The following HMCN1 variants were observed in gnomAD, a reference collection of about 807,000 sequenced individuals.
HMCN1 encodes hemicentin-1.
A neutral mutation model predicts 625.9 loss-of-function variants in HMCN1; 321 were observed. The ratio of observed to expected loss-of-function variants is 0.51; its 90% CI spans 0.47 to 0.56. The LOEUF (loss-of-function observed/expected upper bound fraction) is 0.56, where lower values mean the gene tolerates loss of function less well. HMCN1 is among the 20% of genes least tolerant of loss of function. The pLI is 0.00. For synonymous variants in HMCN1, 2,425 were observed against 2,417.6 expected (o/e 1.00, Z -0.09); for missense variants, 6,588 against 6,887.3 (o/e 0.96, Z 1.54).
chr1:185,828,007 A>G (rs1160007497), intron 1 of HMCN1, among the ~76,000 whole-genome samples: 1 of 152,222 alleles, frequency 6.6e-6, no homozygotes. Flanking sequence ...GTTCAAATAC[A>G]GAGGCAATAG....
chr1:185,960,294 A>G (rs573965832), intron 11 of HMCN1, among the ~76,000 whole-genome samples: 28 of 151,986 alleles, frequency 1.8e-4, no homozygotes, highest in Non-Finnish European at 3.5e-4. Flanking sequence ...ACGCCCAGCT[A>G]ATTTTTGTAT....
intron 1 of HMCN1, among the ~76,000 whole-genome samples, chr1:185,829,251 C>T (rs1195889295): frequency 1.3e-5 from 2 of 151,554 alleles, no homozygotes; most frequent in African/African-American, 4.9e-5. Flanking sequence ...CATGGTGGCT[C>T]ACACCTGTAA....
chr1:185,770,923 C>T (rs746385175), intron 1 of HMCN1, among the ~76,000 whole-genome samples: 3 of 152,056 alleles, frequency 2.0e-5, no homozygotes, highest in East Asian at 1.9e-4. Flanking sequence ...CTCCAGTGCT[C>T]GCATTAGCTT....
chr1:185,755,953 T>A lies in HMCN1; in HGVS notation c.268+20906T>A, dbSNP rs193163013. Among the ~76,000 whole-genome samples, 867 of 152,126 alleles carry A rather than the reference T, an allele frequency of 5.7e-3. 2 individuals are homozygous for A. The highest frequency in any genetic ancestry group is 0.02 in the African/African-American group (833 of 41,510). On this transcript the variant is annotated intron_variant, in intron 1 of 106. Coordinates refer to ENST00000271588, the MANE Select transcript of HMCN1 (RefSeq NM_031935.3). ...GCTGGAGTGCAGTGGCTGTTTACAG[T>A]TGTAATCATGGTGCACTGAAGCCTC... is the stretch of plus-strand genomic sequence containing the variant.
chr1:185,924,491 A>T (rs1000497784), intron 8 of HMCN1, among the ~76,000 whole-genome samples: 1 of 151,990 alleles, frequency 6.6e-6, no homozygotes, highest in African/African-American at 2.4e-5. Context: ...TATACATAAG[A>T]TAGTGATTTG....
intron 1 of HMCN1, among the ~76,000 whole-genome samples, chr1:185,770,792 A>G (rs1656188925): frequency 6.6e-6 from 1 of 152,230 alleles, no homozygotes; most frequent in Non-Finnish European, 1.5e-5. Context: ...ATTTGATTCC[A>G]ACTGACTGGG....
At chr1:185,943,719 T>C (rs984194429) in intron 11 of HMCN1, among the ~76,000 whole-genome samples, 7 of 152,146 alleles carry the variant, frequency 4.6e-5, no homozygotes, top group Admixed American at 6.5e-5. Context: ...CAGGATTAAA[T>C]CATTGGCTGT....
chr1:186,034,262 A>G (rs1381430947), intron 36 of HMCN1, among the ~76,000 whole-genome samples: 1 of 152,214 alleles, frequency 6.6e-6, no homozygotes, highest in Non-Finnish European at 1.5e-5. Flanking sequence ...TAGAGCCTCC[A>G]GAAGGGAATT....
intron 4 of HMCN1, among the ~76,000 whole-genome samples, chr1:185,897,679 C>CT (rs1156423955): frequency 3.9e-5 from 6 of 152,186 alleles, no homozygotes; most frequent in African/African-American, 1.4e-4. Flanking sequence ...ATTTGACCAT[C>CT]TTCTTTGCCT....
rs563520144 is a variant in HMCN1 at position 185,978,811 on chromosome 1, G to A, written c.2566+830G>A. Among the ~76,000 whole-genome samples the A allele has an allele frequency of 2.6e-5, 4 of 152,216 alleles. No individual in the cohort carries two copies. In the South Asian group the frequency reaches 8.3e-4, roughly 32 times the overall value. On this transcript the variant is annotated intron_variant, in intron 16 of 106. Coordinates refer to ENST00000271588, the MANE Select transcript of HMCN1 (RefSeq NM_031935.3). ...TTGTCCTGCTTCAGCCTCCTGAGTAGCTGGGATTACAGGTGTGAACCACCA... is the reference window on the plus strand; with the variant it reads ...TTGTCCTGCTTCAGCCTCCTGAGTAACTGGGATTACAGGTGTGAACCACCA...
At chr1:186,057,149 T>C in intron 45 of HMCN1, 85 bp from the exon 46 acceptor site, 1 of 1,079,994 alleles carries the variant, frequency 9.3e-7, no homozygotes, top group Non-Finnish European at 1.4e-6. Context: ...TAGGATTTGA[T>C]GTTTGATATA....
chr1:185,854,296 T>TA (rs1025894631), intron 2 of HMCN1, among the ~76,000 whole-genome samples: 9 of 151,498 alleles, frequency 5.9e-5, no homozygotes. Context: ...TCCTAGACCT[T>TA]AAAAAAAAAT....
At position 186,069,799 on chromosome 1, in the gene HMCN1, G is replaced by C. The variant is rs975972124; in HGVS notation, c.7993+23G>C. The C allele has an allele frequency of 4.0e-6, 6 of 1,489,464 alleles. No homozygotes were observed. In the Admixed American group the frequency reaches 6.8e-5, roughly 17 times the overall value. 92.3% of individuals were successfully genotyped at this position (1,489,464 alleles called of 1,614,324 possible). On this transcript the variant is annotated intron_variant, in intron 51 of 106. Transcript: ENST00000271588. ...ACAGTAAGTTCTGAAAGAATACTAT[G>C]TTTCATAGCTTCCCCAATTTTTCTA...
At chr1:186,125,206 T>C (rs1016300594) in intron 81 of HMCN1, among the ~76,000 whole-genome samples, 1 of 152,150 alleles carries the variant, frequency 6.6e-6, no homozygotes, top group Non-Finnish European at 1.5e-5. Context: ...TATTATTAGT[T>C]CATCCTCATA....
intron 20 of HMCN1, 112 bp from the exon 21 acceptor site, chr1:185,989,376 C>T (rs1652245988): frequency 1.6e-6 from 2 of 1,219,338 alleles, no homozygotes; most frequent in African/African-American, 3.0e-5. Context: ...CTCTATTCCC[C>T]TCTTGGAGAT....
At chr1:186,085,959 C>CTT (rs1252045263) in intron 57 of HMCN1, among the ~76,000 whole-genome samples, 3 of 152,110 alleles carry the variant, frequency 2.0e-5, no homozygotes, top group Non-Finnish European at 4.4e-5. Flanking sequence ...ATTAGGTCTC[C>CTT]TTTGTACATT....
At chr1:185,929,817 T>C (rs901215708) in intron 10 of HMCN1, among the ~76,000 whole-genome samples, 7 of 152,214 alleles carry the variant, frequency 4.6e-5, no homozygotes, top group Non-Finnish European at 1.0e-4. Flanking sequence ...AAAGTTTGTC[T>C]TCTGAAACAA....
At position 185,789,163 on chromosome 1, in the gene HMCN1, A is replaced by G. The variant is rs60786818; in HGVS notation, c.268+54116A>G. The stretch of plus-strand genomic sequence containing the variant: ...AGTCATAAACAATGGTACCTTATTG[A>G]GTATTAATGTGACTCGACAGACATC... On this transcript the variant is annotated intron_variant, in intron 1 of 106. Transcript: ENST00000271588. 7.9e-3 allele frequency among the ~76,000 whole-genome samples: 1,202 copies of G among 152,338 alleles called. 12 individuals are homozygous for G. The highest frequency in any genetic ancestry group is 0.028 in the African/African-American group (1,160 of 41,580).
At chr1:185,911,870 C>T (rs1666443213) in intron 6 of HMCN1, 90 bp downstream of exon 6, 1 of 939,438 alleles carries the variant, frequency 1.1e-6, no homozygotes. Context: ...TAAACATACA[C>T]TCTTGCTATC....
Sources: allele counts gnomAD v4.1 joint callset (sites outside exome capture counted in the v4.1 genomes callset), GRCh38; gene constraint gnomAD v4.1.1; transcripts MANE v1.5; gene names NCBI Gene and HGNC (gene_info 2026-07-23, HGNC 2026-07-21).